The following WLS variants were observed in gnomAD, a reference collection of about 807,000 sequenced individuals.
WLS encodes the protein Wnt ligand secretion mediator.
In WLS, 23 loss-of-function variants were observed where a neutral mutation model predicts 62.8. The ratio of observed to expected loss-of-function variants is 0.37; its 90% CI spans 0.26 to 0.52. The LOEUF (loss-of-function observed/expected upper bound fraction) is 0.52. Ranked by LOEUF, WLS falls within the 20% of genes least tolerant of loss-of-function variation. The probability of loss-of-function intolerance (pLI) is 0.92; values close to 1 mark genes in which losing one functional copy is unlikely to be tolerated. For missense variants in WLS, 615 were observed against 697.3 expected (o/e 0.88, Z 1.33); for synonymous variants, 246 against 244.1 (o/e 1.01, Z -0.07).
In WLS at chr1:68,156,618, T is replaced by C. The variant is rs376260065; in HGVS notation, c.505-1358A>G. On this transcript the variant is annotated intron_variant, in intron 3 of 11. Transcript: ENST00000262348. Reference sequence around the variant, plus strand: ...ATAACCAATCAGTCGTCAACAGTTTTTATCCCTAAGGTGTGAGCAGCTCTT... The same window carrying C: ...ATAACCAATCAGTCGTCAACAGTTTCTATCCCTAAGGTGTGAGCAGCTCTT... 3.3e-4 allele frequency among the ~76,000 whole-genome samples: 50 copies of C among 152,324 alleles called. 1 individual carries two copies. Among genetic ancestry groups the C allele is most frequent in the African/African-American group, 1.2e-3 (50 of 41,572 alleles).
chr1:68,181,766 A>G (rs1217807968), intron 2 of WLS, among the ~76,000 whole-genome samples: 1 of 152,200 alleles, frequency 6.6e-6, no homozygotes, highest in Non-Finnish European at 1.5e-5. Context: ...CTGCTAAATT[A>G]AAGGATTAGT....
chr1:68,160,358 C>T (rs1033272310), intron 2 of WLS, among the ~76,000 whole-genome samples: 3 of 151,812 alleles, frequency 2.0e-5, no homozygotes, highest in Admixed American at 6.6e-5. Flanking sequence ...AACTTAAGGA[C>T]GGCATGACTT....
intron 1 of WLS, among the ~76,000 whole-genome samples, chr1:68,216,820 AGAGT>A (rs1649748474): frequency 6.6e-6 from 1 of 152,232 alleles, no homozygotes; most frequent in African/African-American, 2.4e-5. Context: ...TAAACTTCTG[AGAGT>A]GAGCATTCTT....
At chr1:68,231,171 G>A (rs1650399132) in intron 1 of WLS, among the ~76,000 whole-genome samples, 3 of 152,154 alleles carry the variant, frequency 2.0e-5, no homozygotes, top group South Asian at 4.1e-4. Flanking sequence ...GAGGATGGAT[G>A]CAGATGGGGA....
intron 2 of WLS, among the ~76,000 whole-genome samples, chr1:68,179,723 T>A (rs775859210): frequency 6.6e-6 from 1 of 152,144 alleles, no homozygotes; most frequent in Admixed American, 6.5e-5. Context: ...TCTATTGTAA[T>A]TACACTAATA....
intron 11 of WLS, among the ~76,000 whole-genome samples, chr1:68,129,060 C>T (rs1416616734): frequency 6.6e-6 from 1 of 152,144 alleles, no homozygotes; most frequent in Non-Finnish European, 1.5e-5. Flanking sequence ...TGCGGTGGCT[C>T]ACATCTGTAA....
At chr1:68,106,396 G>A (rs1425303941) in intron 11 of WLS, among the ~76,000 whole-genome samples, 1 of 152,146 alleles carries the variant, frequency 6.6e-6, no homozygotes, top group Non-Finnish European at 1.5e-5. Context: ...ATTTCCCAGT[G>A]TGTGTGACCT....
At chr1:68,229,950 T>G (rs1650334359) in intron 1 of WLS, among the ~76,000 whole-genome samples, 1 of 152,212 alleles carries the variant, frequency 6.6e-6, no homozygotes, top group African/African-American at 2.4e-5. Flanking sequence ...CCGCGGACTT[T>G]TTGAGGTTGT....
intron 1 of WLS, among the ~76,000 whole-genome samples, chr1:68,212,091 G>A (rs1479489676): frequency 6.6e-6 from 1 of 151,982 alleles, no homozygotes; most frequent in Non-Finnish European, 1.5e-5. Flanking sequence ...TTTTTTGATC[G>A]CTGAGTCTTT....
chr1:68,150,235 C>A lies in WLS; in HGVS notation c.925G>T (p.Ala309Ser). 6.2e-7 allele frequency: 1 copy of A among 1,614,176 alleles called. No homozygotes were observed. Among genetic ancestry groups the A allele is most frequent in the Non-Finnish European group, 8.5e-7 (1 of 1,180,036 alleles). The change falls in exon 6 of 12, where the codon GCG becomes TCG. Residue 309 changes from alanine (A) to serine (S), a missense_variant. Physicochemically the swap from Ala to Ser is moderately conservative, Grantham distance 99. Transcript: ENST00000262348. Reference sequence around the variant, plus strand: ...ATGATCCAGAAGGACAGAAGCATCGCATAGAAGATGCCCTGTCGGATGTCA... The same window carrying A: ...ATGATCCAGAAGGACAGAAGCATCGAATAGAAGATGCCCTGTCGGATGTCA... ...FGDIRQGIFY[A>S]MLLSFWIIFC...
intron 11 of WLS, among the ~76,000 whole-genome samples, chr1:68,103,777 G>A (rs945270794): frequency 2.0e-5 from 3 of 152,164 alleles, no homozygotes; most frequent in African/African-American, 4.8e-5. Flanking sequence ...TTAATCCACA[G>A]CAGTATTCAG....
At position 68,102,067 on chromosome 1, in the gene WLS, T is replaced by C. The variant is rs117485011; in HGVS notation, c.1511-3314A>G. ...ACACACAGGTGAAGGTGGTTAGACT[T>C]GTGTTTCCTGGGAAGCAAGGGCAAG... On this transcript the variant is annotated intron_variant, in intron 11 of 11. Transcript: ENST00000354777. 2.8e-3 allele frequency among the ~76,000 whole-genome samples: 432 copies of C among 152,302 alleles called. 4 individuals are homozygous for C. In the East Asian group the frequency reaches 0.029, roughly 10 times the overall value.
Position 68,132,518 on chromosome 1 carries a change from G to A in WLS, c.1516+5262C>T, listed in dbSNP as rs567458108. On this transcript the variant is annotated intron_variant, in intron 11 of 11. Transcript: ENST00000262348. The stretch of plus-strand genomic sequence containing the variant: ...AAAGCCATCTTTCCTATGAAACAAG[G>A]GGCAGGAGACCTCAGAAACCTCCAG... Among the ~76,000 whole-genome samples the A allele has an allele frequency of 2.6e-5, 4 of 152,234 alleles. No homozygotes were observed. In the South Asian group the frequency reaches 8.3e-4, roughly 32 times the overall value.
At chr1:68,121,582 G>A (rs1285668293), downstream of WLS, among the ~76,000 whole-genome samples, 1 of 152,176 alleles carries the variant, frequency 6.6e-6, no homozygotes, top group Non-Finnish European at 1.5e-5. Context: ...ATCAAAACAT[G>A]ATGGAGAGAC....
At chr1:68,152,732 G>A (rs1646843734) in intron 5 of WLS, among the ~76,000 whole-genome samples, 1 of 152,184 alleles carries the variant, frequency 6.6e-6, no homozygotes, top group Admixed American at 6.5e-5. Flanking sequence ...AAAAGGGTAT[G>A]TGGCTTCAGG....
At chr1:68,134,451 T>C (rs1297006953) in intron 11 of WLS, among the ~76,000 whole-genome samples, 1 of 152,210 alleles carries the variant, frequency 6.6e-6, no homozygotes, top group Non-Finnish European at 1.5e-5. Flanking sequence ...CTAAATCTTA[T>C]GACTTTTGTG....
intron 1 of WLS, among the ~76,000 whole-genome samples, chr1:68,205,311 C>A (rs2100636285): frequency 6.6e-6 from 1 of 152,256 alleles, no homozygotes; most frequent in Non-Finnish European, 1.5e-5. Context: ...TCAAAATGAA[C>A]TTTTCCTAAA....
At chr1:68,148,489 C>A in intron 7 of WLS, 74 bp downstream of exon 7, 1 of 1,484,200 alleles carries the variant, frequency 6.7e-7, no homozygotes, top group African/African-American at 1.4e-5. Flanking sequence ...CCTTTTCAAA[C>A]ACTCCTCCTA....
Position 68,126,293 on chromosome 1 carries a change from GTGGTGAGC to G in WLS, c.1551_1558del (p.Gln517HisfsTer11), listed in dbSNP as rs1646429991. On this transcript the variant is annotated frameshift_variant, in exon 12 of 12. Coordinates refer to ENST00000262348, the MANE Select transcript of WLS (RefSeq NM_024911.7). LOFTEE classifies it high-confidence loss of function. Reference sequence around the variant, plus strand: ...GGGTCCGTCCACATGGGTGATAGTGGTGGTGAGCTGGAGTTCTTCCCCACTATGGACAC... The same window carrying G: ...GGGTCCGTCCACATGGGTGATAGTGGTGGAGTTCTTCCCCACTATGGACAC... The G allele has an allele frequency of 6.2e-7, 1 of 1,614,010 alleles. No homozygotes were observed. Among genetic ancestry groups the G allele is most frequent in the Non-Finnish European group, 8.5e-7 (1 of 1,180,046 alleles).
Sources: gnomAD v4.1 joint callset for allele counts (sites outside exome capture counted in the v4.1 genomes callset) on GRCh38, gnomAD v4.1.1 for gene constraint, MANE v1.5 for transcripts, NCBI Gene and HGNC (gene_info 2026-07-23, HGNC 2026-07-21) for gene names.